The following PLCXD3 variants were observed in gnomAD, a reference collection of about 807,000 sequenced individuals.
PLCXD3 encodes the protein phosphatidylinositol specific phospholipase C X domain containing 3.
PLCXD3 carries 19 observed loss-of-function variants against 25.5 expected under a neutral mutation model. The observed-to-expected ratio is 0.75, with a 90% CI of 0.52 to 1.09. The LOEUF is 1.09. PLCXD3 is among the 50% of genes least tolerant of loss of function. PLCXD3 has a pLI of 0.00. For synonymous variants in PLCXD3, 174 were observed against 137.6 expected, an observed-to-expected ratio of 1.26 and a Z score of -1.85; for missense variants, 411 against 388.1, an observed-to-expected ratio of 1.06 and a Z score of -0.50.
chr5:41,327,748 T>C (rs1743675357), intron 2 of PLCXD3, among the ~76,000 whole-genome samples: 1 of 152,210 alleles, frequency 6.6e-6, no homozygotes, highest in African/African-American at 2.4e-5. Flanking sequence ...GATTATATAG[T>C]TACTGTGATG....
intron 1 of PLCXD3, among the ~76,000 whole-genome samples, chr5:41,407,957 T>C (rs899182702): frequency 1.1e-4 from 16 of 152,186 alleles, no homozygotes; most frequent in African/African-American, 3.9e-4. Context: ...ATGCTAAATT[T>C]GAGAAGTCCT....
intron 1 of PLCXD3, among the ~76,000 whole-genome samples, chr5:41,448,653 A>G (rs1186989641): frequency 6.6e-6 from 1 of 152,192 alleles, no homozygotes; most frequent in Non-Finnish European, 1.5e-5. Context: ...CTTCTCAATC[A>G]TACAAGTTTT....
chr5:41,454,482 C>T (rs571678159), intron 1 of PLCXD3, among the ~76,000 whole-genome samples: 2 of 151,922 alleles, frequency 1.3e-5, no homozygotes, highest in Non-Finnish European at 2.9e-5. Flanking sequence ...TATAAGAGTG[C>T]TAATCCCATT....
chr5:41,386,753 A>G (rs902943657), intron 1 of PLCXD3, among the ~76,000 whole-genome samples: 9 of 152,092 alleles, frequency 5.9e-5, no homozygotes, highest in African/African-American at 2.2e-4. Flanking sequence ...AAGTGGTATA[A>G]ACATCAATTT....
chr5:41,503,098 C>T (rs1748985979), intron 1 of PLCXD3, among the ~76,000 whole-genome samples: 1 of 152,120 alleles, frequency 6.6e-6, no homozygotes, highest in African/African-American at 2.4e-5. Flanking sequence ...TAAATGGCAG[C>T]ATGGGTGTAT....
chr5:41,380,929 C>T (rs1745439190), intron 2 of PLCXD3, among the ~76,000 whole-genome samples: 1 of 152,048 alleles, frequency 6.6e-6, no homozygotes, highest in Admixed American at 6.6e-5. Flanking sequence ...AATGAACATC[C>T]TACATGTTTG....
chr5:41,347,610 C>A (rs1429530737), intron 2 of PLCXD3, among the ~76,000 whole-genome samples: 2 of 152,170 alleles, frequency 1.3e-5, no homozygotes, highest in South Asian at 2.1e-4. Context: ...AGTTACCAAC[C>A]TATAGTTGTT....
At chr5:41,383,218 C>T (rs1177301327) in intron 1 of PLCXD3, among the ~76,000 whole-genome samples, 1 of 152,102 alleles carries the variant, frequency 6.6e-6, no homozygotes, top group Non-Finnish European at 1.5e-5. Flanking sequence ...TAAAAATTAA[C>T]AGCATTTAAA....
chr5:41,345,683 T>TACACACACACAC (rs57657516), intron 2 of PLCXD3, among the ~76,000 whole-genome samples: 2 of 146,032 alleles, frequency 1.4e-5, no homozygotes, highest in African/African-American at 5.0e-5. Context: ...TACATATGTG[T>TACACACACACAC]ACACACACAC....
chr5:41,470,787 AG>A (rs1748137446), intron 1 of PLCXD3, among the ~76,000 whole-genome samples: 1 of 152,172 alleles, frequency 6.6e-6, no homozygotes, highest in Admixed American at 6.5e-5. Flanking sequence ...GAAAAGAAAA[AG>A]AAAAAAATAC....
intron 1 of PLCXD3, among the ~76,000 whole-genome samples, chr5:41,476,184 G>A (rs1748279206): frequency 6.6e-6 from 1 of 152,214 alleles, no homozygotes; most frequent in African/African-American, 2.4e-5. Flanking sequence ...GGAACAGTCT[G>A]TACATTATCT....
chr5:41,503,674 A>G (rs1748999061), intron 1 of PLCXD3, among the ~76,000 whole-genome samples: 1 of 152,114 alleles, frequency 6.6e-6, no homozygotes, highest in Non-Finnish European at 1.5e-5. Flanking sequence ...TAAATTTTTC[A>G]CTCACTTTTC....
At chr5:41,475,728 C>T in intron 1 of PLCXD3, 2 of 534,694 alleles carry the variant, frequency 3.7e-6, no homozygotes, top group South Asian at 2.8e-5. Context: ...TTGAGACTGT[C>T]ATTACAAGAG....
intron 2 of PLCXD3, among the ~76,000 whole-genome samples, chr5:41,359,791 A>T (rs72755984): frequency 0.073 from 11,156 of 152,146 alleles, 714 homozygotes; most frequent in East Asian, 0.35. Context: ...ATGACTTTAA[A>T]TAACCTGATG....
At chr5:41,406,070 C>T (rs1310789557) in intron 1 of PLCXD3, among the ~76,000 whole-genome samples, 1 of 152,028 alleles carries the variant, frequency 6.6e-6, no homozygotes, top group Non-Finnish European at 1.5e-5. Flanking sequence ...ACATTTGATA[C>T]AGCTATGCTT....
At chr5:41,360,788 G>T (rs1203665038) in intron 2 of PLCXD3, among the ~76,000 whole-genome samples, 1 of 151,544 alleles carries the variant, frequency 6.6e-6, no homozygotes, top group Non-Finnish European at 1.5e-5. Context: ...ACTCTGTGAG[G>T]GTCCTGGGTT....
intron 1 of PLCXD3, among the ~76,000 whole-genome samples, chr5:41,504,483 A>G (rs1749015910): frequency 6.6e-6 from 1 of 152,218 alleles, no homozygotes; most frequent in East Asian, 1.9e-4. Flanking sequence ...GCCAGCACTC[A>G]GGGCTTCAGC....
chr5:41,508,615 A>T (rs1477752826), intron 1 of PLCXD3, among the ~76,000 whole-genome samples: 1 of 152,196 alleles, frequency 6.6e-6, no homozygotes, highest in Non-Finnish European at 1.5e-5. Context: ...TGTAAGGTAG[A>T]CTCAAAAAGA....
chr5:41,490,104 G>T (rs974704822), intron 1 of PLCXD3, among the ~76,000 whole-genome samples: 6 of 152,110 alleles, frequency 3.9e-5, no homozygotes, highest in Non-Finnish European at 8.8e-5. Flanking sequence ...CTTGAGATAT[G>T]TCCCATCAAT....
Sources: allele counts gnomAD v4.1 joint callset (sites outside exome capture counted in the v4.1 genomes callset), GRCh38; gene constraint gnomAD v4.1.1; transcripts MANE v1.5; gene names NCBI Gene and HGNC (gene_info 2026-07-23, HGNC 2026-07-21).